Variants in KCNAB1 observed in about 807,000 individuals in gnomAD.
The protein encoded by KCNAB1 is potassium voltage-gated channel subfamily A regulatory beta subunit 1.
Under a neutral mutation model 64.6 loss-of-function variants are expected in KCNAB1, and 35 were observed. The ratio of observed to expected loss-of-function variants is 0.54; its 90% CI spans 0.41 to 0.72. KCNAB1 has a LOEUF of 0.72. Among genes scored for constraint, KCNAB1 ranks in the 30% least tolerant of loss-of-function variants. The probability of loss-of-function intolerance (pLI) is 0.00; values close to 1 mark genes in which losing one functional copy is unlikely to be tolerated. For missense variants in KCNAB1, 401 were observed against 512.9 expected (o/e 0.78, Z 2.11); for synonymous variants, 177 against 183.8 (o/e 0.96, Z 0.30).
chr3:156,381,514 A>C (rs912494222), intron 1 of KCNAB1, among the ~76,000 whole-genome samples: 2 of 152,210 alleles, frequency 1.3e-5, no homozygotes, highest in African/African-American at 4.8e-5. Flanking sequence ...ATGTTCTAAC[A>C]TGGGTGTCTT....
At chr3:156,212,087 C>T (rs1355437290) in intron 1 of KCNAB1, among the ~76,000 whole-genome samples, 1 of 152,106 alleles carries the variant, frequency 6.6e-6, no homozygotes, top group Admixed American at 6.5e-5. Context: ...CATGATCCCC[C>T]ACCATGTTAG....
At chr3:156,325,402 T>C (rs990343785) in intron 1 of KCNAB1, among the ~76,000 whole-genome samples, 4 of 152,156 alleles carry the variant, frequency 2.6e-5, no homozygotes, top group Non-Finnish European at 5.9e-5. Flanking sequence ...AGCACGTCTC[T>C]TACTTTTAAA....
chr3:156,296,988 G>A (rs532262372), intron 1 of KCNAB1, among the ~76,000 whole-genome samples: 4 of 152,182 alleles, frequency 2.6e-5, no homozygotes, highest in East Asian at 1.9e-4. Flanking sequence ...GATTTATTCC[G>A]ATTTTACCAG....
At chr3:156,514,239 G>A (rs1717407992) in intron 8 of KCNAB1, 125 bp from the exon 9 acceptor site, 3 of 685,624 alleles carry the variant, frequency 4.4e-6, no homozygotes, top group Non-Finnish European at 5.2e-6. Context: ...ACCAATATTA[G>A]GCTAATTTTA....
At chr3:156,465,709 T>C (rs372301331) in intron 7 of KCNAB1, 23 bp downstream of exon 7, 9 of 1,603,728 alleles carry the variant, frequency 5.6e-6, no homozygotes, top group South Asian at 3.3e-5. Flanking sequence ...GCTTCAATTT[T>C]ATTTTTGGTT....
intron 1 of KCNAB1, among the ~76,000 whole-genome samples, chr3:156,315,166 A>T (rs1412065258): frequency 6.6e-6 from 1 of 152,212 alleles, no homozygotes; most frequent in African/African-American, 2.4e-5. Flanking sequence ...ATGAGTCAGA[A>T]CTATGGCCAA....
chr3:156,164,738 C>T (rs1172801509), intron 1 of KCNAB1, among the ~76,000 whole-genome samples: 1 of 152,158 alleles, frequency 6.6e-6, no homozygotes, highest in Non-Finnish European at 1.5e-5. Flanking sequence ...GGGCTCAGGA[C>T]TCTTTTTACA....
intron 1 of KCNAB1, among the ~76,000 whole-genome samples, chr3:156,135,037 C>T (rs566203408): frequency 6.6e-6 from 1 of 151,884 alleles, no homozygotes; most frequent in South Asian, 2.1e-4. Context: ...CACTCTGCTG[C>T]CCAGGCTGGA....
chr3:156,251,656 T>A (rs966438226), intron 1 of KCNAB1, among the ~76,000 whole-genome samples: 4 of 152,102 alleles, frequency 2.6e-5, no homozygotes, highest in Non-Finnish European at 4.4e-5. Flanking sequence ...CAAGGGATGA[T>A]GTAGAAAGGA....
At chr3:156,368,459 C>G (rs1263726832) in intron 1 of KCNAB1, among the ~76,000 whole-genome samples, 1 of 152,194 alleles carries the variant, frequency 6.6e-6, no homozygotes, top group East Asian at 1.9e-4. Flanking sequence ...CAGGGTCTCT[C>G]TCTGTTGCCC....
At chr3:156,353,764 G>A (rs1725017458) in intron 1 of KCNAB1, among the ~76,000 whole-genome samples, 1 of 152,350 alleles carries the variant, frequency 6.6e-6, no homozygotes, top group African/African-American at 2.4e-5. Flanking sequence ...TTCCCGCAGG[G>A]TGAGCAAGCC....
intron 7 of KCNAB1, 75 bp downstream of exon 7, chr3:156,465,761 A>G: frequency 8.2e-7 from 1 of 1,212,366 alleles, no homozygotes; most frequent in Non-Finnish European, 1.2e-6. Context: ...AAACAAATTC[A>G]GAACACACTG....
chr3:156,463,635 A>G, intron 5 of KCNAB1, 67 bp from the exon 6 acceptor site: 1 of 1,219,950 alleles, frequency 8.2e-7, no homozygotes, highest in South Asian at 1.3e-5. Flanking sequence ...CTATTATAAT[A>G]ATATGACTCG....
At chr3:156,520,445 A>G (rs1290428313) in intron 11 of KCNAB1, among the ~76,000 whole-genome samples, 1 of 152,132 alleles carries the variant, frequency 6.6e-6, no homozygotes, top group Non-Finnish European at 1.5e-5. Flanking sequence ...GCCAGGTATC[A>G]TGCTCACCTG....
At chr3:156,511,975 T>A (rs553794911) in intron 8 of KCNAB1, among the ~76,000 whole-genome samples, 1 of 152,228 alleles carries the variant, frequency 6.6e-6, no homozygotes, top group Non-Finnish European at 1.5e-5. Flanking sequence ...CCTCGAATGC[T>A]CTTCCACTGT....
intron 1 of KCNAB1, among the ~76,000 whole-genome samples, chr3:156,400,685 A>G (rs530959644): frequency 1.3e-5 from 2 of 152,186 alleles, no homozygotes; most frequent in Non-Finnish European, 2.9e-5. Context: ...TGCAATGTAT[A>G]TACAATGCAC....
intron 1 of KCNAB1, among the ~76,000 whole-genome samples, chr3:156,392,210 T>C (rs914590465): frequency 6.6e-6 from 1 of 152,214 alleles, no homozygotes; most frequent in Non-Finnish European, 1.5e-5. Flanking sequence ...TGTCAGTCTC[T>C]CTACCCAGTA....
intron 12 of KCNAB1, among the ~76,000 whole-genome samples, chr3:156,527,162 G>C (rs1718367661): frequency 6.6e-6 from 1 of 152,104 alleles, no homozygotes; most frequent in Non-Finnish European, 1.5e-5. Context: ...ATCAAACAAT[G>C]TATTTAATGT....
chr3:156,327,667 G>A (rs975747869), intron 1 of KCNAB1, among the ~76,000 whole-genome samples: 2 of 152,102 alleles, frequency 1.3e-5, no homozygotes, highest in African/African-American at 4.8e-5. Flanking sequence ...TGAATATCTA[G>A]GCTTATGGGA....
Sources: gnomAD v4.1 joint callset for allele counts (sites outside exome capture counted in the v4.1 genomes callset) on GRCh38, gnomAD v4.1.1 for gene constraint, MANE v1.5 for transcripts, NCBI Gene and HGNC (gene_info 2026-07-23, HGNC 2026-07-21) for gene names.